Variants in NOTCH2NLR observed in about 807,000 individuals in gnomAD.
The protein encoded by NOTCH2NLR is notch 2 N-terminal like R.
In NOTCH2NLR, 33 loss-of-function variants were observed where a neutral mutation model predicts 35.6. That is an observed-to-expected ratio of 0.93 (90% confidence interval 0.70 to 1.24). The LOEUF is 1.24. NOTCH2NLR is among the 50% of genes most tolerant of loss of function. The probability of loss-of-function intolerance (pLI) is 0.00; values close to 1 mark genes in which losing one functional copy is unlikely to be tolerated. For synonymous variants in NOTCH2NLR, 103 were observed against 141.0 expected (o/e 0.73, Z 1.91); for missense variants, 276 against 362.2 (o/e 0.76, Z 1.93).
At chr1:120,763,755 G>A in intron 2 of NOTCH2NLR, 46 bp downstream of exon 2, 2 of 720,366 alleles carry the variant, frequency 2.8e-6, no homozygotes, top group East Asian at 2.6e-5. Context: ...TAGAACACTG[G>A]ACAAGATTTG....
Position 120,724,265 on chromosome 1 carries a change from G to C in NOTCH2NLR, c.73+15G>C. Reference sequence around the variant, plus strand: ...CCCCGCGCATGGTGAGTATCGGGCTGAGGGGCGCTGTCCGCGGCGCCCGGG... The same window carrying C: ...CCCCGCGCATGGTGAGTATCGGGCTCAGGGGCGCTGTCCGCGGCGCCCGGG... On this transcript the variant is annotated intron_variant, in intron 1 of 4. Coordinates refer to ENST00000624419, the Ensembl canonical transcript of NOTCH2NLR. The C allele has an allele frequency of 7.2e-7, 1 of 1,389,692 alleles. No individual in the cohort carries two copies. Among genetic ancestry groups the C allele is most frequent in the East Asian group, 2.5e-5 (1 of 40,220 alleles). The allele number at this position is 1,389,692 out of a possible 1,614,324, so 86.1% of individuals were successfully genotyped here.
At position 120,793,800 on chromosome 1, in the gene NOTCH2NLR, G is replaced by T. The variant is rs1226930762; in HGVS notation, c.805G>T (p.Glu269Ter). The change falls in exon 5 of 5, where the codon GAA (glutamate) becomes TAA (stop). Residue 269 changes from glutamate to a stop codon, truncating the protein, a stop_gained. Coordinates refer to ENST00000624419, the Ensembl canonical transcript of NOTCH2NLR. LOFTEE classifies it high-confidence loss of function. ...TCTGGGAAAGAGACAGGCAAGTCTG[G>T]AATGGAAAAGAACACGATGAGAATT... The T allele has an allele frequency of 1.3e-4, 128 of 996,130 alleles. 28 individuals are homozygous for T. The highest frequency in any genetic ancestry group is 1.6e-4 in the Non-Finnish European group (111 of 677,404). 61.7% of individuals were successfully genotyped at this position (996,130 alleles called of 1,614,324 possible). A position where few individuals can be genotyped will look rare whatever the true frequency, so the allele number is the denominator to read the frequency against.
chr1:120,734,398 A>T (rs2101353610), intron 1 of NOTCH2NLR, among the ~76,000 whole-genome samples: 1 of 88,558 alleles, frequency 1.1e-5, no homozygotes, highest in South Asian at 3.3e-4. Flanking sequence ...GAAGGATTAC[A>T]ATATTTTCTT....
At chr1:120,754,702 C>T (rs1651061568) in intron 1 of NOTCH2NLR, among the ~76,000 whole-genome samples, 1 of 113,010 alleles carries the variant, frequency 8.8e-6, no homozygotes, top group Non-Finnish European at 1.7e-5. Flanking sequence ...CTAGTTTTTA[C>T]CATAATACAC....
At position 120,784,999 on chromosome 1, in the gene NOTCH2NLR, T is replaced by C; in HGVS notation, c.181T>C (p.Tyr61His). The C allele has an allele frequency of 7.0e-6, 10 of 1,421,852 alleles. 3 individuals carry two copies. The South Asian group carries it at 1.1e-4, about 16-fold the overall frequency. The allele number at this position is 1,421,852 out of a possible 1,614,324, so 88.1% of individuals were successfully genotyped here. A position where few individuals can be genotyped will look rare whatever the true frequency, so the allele number is the denominator to read the frequency against. ...ATGTCCAGAAGGCTTCTTGGGGGAA[T>C]ATTGTCAACATCGAGACCCCTGTGA... Residue 61 changes from tyrosine (Y) to histidine (H), a missense_variant, in exon 3 of 5, where the codon TAT becomes CAT. By Grantham distance (83) the Tyr-to-His change is moderately conservative (BLOSUM62 2). Transcript: ENST00000624419.
intron 1 of NOTCH2NLR, among the ~76,000 whole-genome samples, chr1:120,729,815 G>A (rs1428843976): frequency 7.0e-5 from 8 of 114,086 alleles, no homozygotes; most frequent in African/African-American, 4.2e-4. Context: ...ATAGCCAGGT[G>A]ATTCTTACAT....
At chr1:120,790,120 ATTC>A (rs1651467928) in intron 3 of NOTCH2NLR, among the ~76,000 whole-genome samples, 1 of 91,438 alleles carries the variant, frequency 1.1e-5, no homozygotes, top group South Asian at 3.2e-4. Context: ...GGTTCACGCC[ATTC>A]TTCTGCCTCA....
chr1:120,794,147 A>G (rs2101474192), downstream of NOTCH2NLR, among the ~76,000 whole-genome samples: 1 of 114,222 alleles, frequency 8.8e-6, no homozygotes, highest in East Asian at 2.1e-4. Context: ...ATGAGAGACT[A>G]TGTGTGGCAC....
rs1651397634 is a variant in NOTCH2NLR, at chr1:120,784,255, A to G, written c.156-719A>G. ...GTCTAGTTTCACATAAAGCAAATAT[A>G]TGGTTCTGTACACCGGCTTTAGGAG... is the stretch of plus-strand genomic sequence containing the variant. On this transcript the variant is annotated intron_variant, in intron 2 of 4. Transcript: ENST00000624419. 1.7e-5 allele frequency among the ~76,000 whole-genome samples: 2 copies of G among 118,712 alleles called. 1 individual carries two copies. The highest frequency in any genetic ancestry group is 3.3e-5 in the Non-Finnish European group (2 of 61,528). The allele number at this position is 118,712 out of a possible 152,430, so 77.9% of individuals were successfully genotyped here.
Position 120,793,589 on chromosome 1 carries a change from A to G in NOTCH2NLR, c.751+93A>G. The G allele has an allele frequency of 3.1e-6, 3 of 972,818 alleles. 1 individual carries two copies. Among genetic ancestry groups the G allele is most frequent in the Non-Finnish European group, 1.5e-6 (1 of 669,622 alleles). 60.3% of individuals were successfully genotyped at this position (972,818 alleles called of 1,614,324 possible). On this transcript the variant is annotated intron_variant, in intron 4 of 4. Coordinates refer to ENST00000624419, the Ensembl canonical transcript of NOTCH2NLR. The stretch of plus-strand genomic sequence containing the variant: ...TCAATTGCATTTTTTAGGAAGCGCA[A>G]GGAAAAAGGGAAGTGAGAATTTTGT...
At chr1:120,728,829 C>G (rs1650844401) in intron 1 of NOTCH2NLR, among the ~76,000 whole-genome samples, 1 of 103,090 alleles carries the variant, frequency 9.7e-6, no homozygotes, top group Non-Finnish European at 1.8e-5. Context: ...TTTTTTTGAA[C>G]CAAGAGAGTC....
chr1:120,751,584 G>A (rs1651021565), intron 1 of NOTCH2NLR, among the ~76,000 whole-genome samples: 1 of 53,178 alleles, frequency 1.9e-5, no homozygotes, highest in Admixed American at 2.2e-4. Flanking sequence ...GTAGGCCAGG[G>A]CATCTGCTCG....
rs1209318153 is a variant in NOTCH2NLR, at chr1:120,793,492, T to A, written c.747T>A (p.Leu249=). The A allele has an allele frequency of 7.0e-6, 9 of 1,293,084 alleles. 1 individual carries two copies. Among genetic ancestry groups the A allele is most frequent in the Non-Finnish European group, 9.5e-6 (9 of 948,840 alleles). The allele number at this position is 1,293,084 out of a possible 1,614,324, so 80.1% of individuals were successfully genotyped here. ...ACTTCACTTTTGAGTGCAACTGCCT[T>A]CCAGGTAAGGAGCTCCCTAGTGTCC... The change falls in exon 4 of 5, where the codon CTT becomes CTA. Residue 249 remains leucine, a synonymous_variant. Coordinates refer to ENST00000624419, the Ensembl canonical transcript of NOTCH2NLR.
intron 3 of NOTCH2NLR, among the ~76,000 whole-genome samples, chr1:120,790,498 C>T (rs1296672685): frequency 1.7e-5 from 2 of 115,750 alleles, no homozygotes; most frequent in Non-Finnish European, 3.3e-5. Flanking sequence ...TATATGGAAA[C>T]CAAATTCAGG....
chr1:120,770,412 G>T lies in NOTCH2NLR; in HGVS notation c.155+6703G>T, dbSNP rs1296291164. 1.0e-3 allele frequency among the ~76,000 whole-genome samples: 115 copies of T among 111,204 alleles called. 38 individuals carry two copies. The highest frequency in any genetic ancestry group is 6.1e-3 in the African/African-American group (105 of 17,266). 73.0% of individuals were successfully genotyped at this position (111,204 alleles called of 152,430 possible). On this transcript the variant is annotated intron_variant, in intron 2 of 4. Transcript: ENST00000624419. ...TCTCTATCTCCTGACCTCATGATCT[G>T]CCCGCCTCGGCCTCCCAAAGTGCTG...
intron 3 of NOTCH2NLR, among the ~76,000 whole-genome samples, chr1:120,792,403 GTA>G (rs1651501668): frequency 1.2e-5 from 1 of 81,002 alleles, no homozygotes; most frequent in Non-Finnish European, 2.2e-5. Flanking sequence ...TTGCGCACAT[GTA>G]TGTATGTGAG....
At chr1:120,784,130 A>AGAGACTTGTATATCTTTT (rs1651396117) in intron 2 of NOTCH2NLR, among the ~76,000 whole-genome samples, 2 of 118,220 alleles carry the variant, frequency 1.7e-5, no homozygotes, top group Non-Finnish European at 3.3e-5. Flanking sequence ...TGTGGGTTAA[A>AGAGACTTGTATATCTTTT]AGAGACTTGT....
chr1:120,733,113 T>A (rs1196882600), intron 1 of NOTCH2NLR, among the ~76,000 whole-genome samples: 2,003 of 85,040 alleles, frequency 0.024, 390 homozygotes, highest in East Asian at 0.047. Flanking sequence ...TGATTTATTT[T>A]TATATATATA....
chr1:120,754,617 AT>A lies in NOTCH2NLR; in HGVS notation c.74-9004del, dbSNP rs1247367182. Among the ~76,000 whole-genome samples the A allele has an allele frequency of 3.1e-5, 3 of 97,178 alleles. 1 individual carries two copies. The highest frequency in any genetic ancestry group is 5.9e-4 in the South Asian group (2 of 3,374). The allele number at this position is 97,178 out of a possible 152,430, so 63.8% of individuals were successfully genotyped here. On this transcript the variant is annotated intron_variant, in intron 1 of 4. Transcript: ENST00000624419. ...CAATGAATTTTCCCATTCAGTTGGA[AT>A]TTTTTTATTACTCTGTTTTCTATGT...
Sources: allele counts gnomAD v4.1 joint callset (sites outside exome capture counted in the v4.1 genomes callset), GRCh38; gene constraint gnomAD v4.1.1; transcripts MANE v1.5; gene names NCBI Gene and HGNC (gene_info 2026-07-23, HGNC 2026-07-21).